CDHR2: variants seen among roughly 807,000 people sequenced by gnomAD.
The protein encoded by CDHR2 is cadherin-related family member 2.
In CDHR2, 104 loss-of-function variants were observed where a neutral mutation model predicts 138.6. The ratio of observed to expected loss-of-function variants is 0.75; its 90% confidence interval spans 0.64 to 0.88. The LOEUF is 0.88. Among genes scored for constraint, CDHR2 ranks in the 40% least tolerant of loss-of-function variants. The probability of loss-of-function intolerance (pLI) is 0.00; values close to 1 mark genes in which losing one functional copy is unlikely to be tolerated. For missense variants in CDHR2, 1,624 were observed against 1,727.6 expected, an observed-to-expected ratio of 0.94 and a Z score of 1.06; for synonymous variants, 755 against 742.8, an observed-to-expected ratio of 1.02 and a Z score of -0.27.
chr5:176,584,612 A>G lies in CDHR2; in HGVS notation c.2331A>G (p.Thr777=), dbSNP rs1561878689. 1.2e-6 allele frequency: 2 copies of G among 1,607,450 alleles called. No individual in the cohort carries two copies. Among genetic ancestry groups the G allele is most frequent in the East Asian group, 2.2e-5 (1 of 44,724 alleles). The change falls in exon 19 of 32, where the codon ACA becomes ACG. Residue 777 remains threonine, a synonymous_variant. Coordinates refer to ENST00000261944, the MANE Select transcript of CDHR2 (RefSeq NM_017675.6). ...DYETQPVFNL[T]VSAENPDPQG... ...AGACACAGCCCGTCTTCAACTTGAC[A>G]GTGAGTGCTGAGAACCCAGACCCCC...
chr5:176,560,969 C>A (rs1757952971), intron 1 of CDHR2, among the ~76,000 whole-genome samples: 1 of 114,672 alleles, frequency 8.7e-6, no homozygotes, highest in African/African-American at 2.7e-5. Context: ...GAACCAGGAT[C>A]TCTGACTGTC....
In CDHR2 at chr5:176,584,264, G is replaced by A. The variant is rs780817286; in HGVS notation, c.2128+5G>A. Reference sequence around the variant, plus strand: ...CGGTGAAGGAGGAGGATCCAGGTATGTGCTCCCTGGGCCAGGAGAGACACT... The same window carrying A: ...CGGTGAAGGAGGAGGATCCAGGTATATGCTCCCTGGGCCAGGAGAGACACT... On this transcript the variant is annotated splice_donor_5th_base_variant and intron_variant, in intron 18 of 31. Transcript: ENST00000261944. 8.1e-6 allele frequency: 13 copies of A among 1,613,366 alleles called. No homozygotes were observed. Among genetic ancestry groups the A allele is most frequent in the South Asian group, 2.2e-5 (2 of 91,066 alleles).
chr5:176,577,437 C>T lies in CDHR2; in HGVS notation c.1233C>T (p.Pro411=), dbSNP rs1157105352. The T allele has an allele frequency of 1.1e-5, 18 of 1,609,990 alleles. No individual in the cohort carries two copies. In the East Asian group the frequency reaches 1.6e-4, roughly 14 times the overall value. The stretch of plus-strand genomic sequence containing the variant: ...CCTTCCTGTTGTCGCTGGGGGGCCC[C>T]GATGCAGAAGCCTTCAGCGTCTCCC... ...NGTFLLSLGG[P]DAEAFSVSPE... is the part of the protein sequence containing the mutation. The change falls in exon 13 of 32, where the codon CCC becomes CCT. Residue 411 remains proline (P), a synonymous_variant. Transcript: ENST00000261944.
rs1313948755 is a variant in CDHR2, at chr5:176,553,962, G to A, written c.-16+4548G>A. Among the ~76,000 whole-genome samples the A allele has an allele frequency of 2.0e-5, 3 of 152,190 alleles. No homozygotes were observed. Among genetic ancestry groups the A allele is most frequent in the Non-Finnish European group, 2.9e-5 (2 of 68,042 alleles). On this transcript the variant is annotated intron_variant, in intron 1 of 31. Transcript: ENST00000261944. The surrounding 1 kb of genome is among the most constrained non-coding windows in gnomAD (Gnocchi z 4.3). ...TCCAGGGTGTAGCTGTACCCACATCGCTGTCCCTGTCTCACTGAGGACTGT... is the reference window on the plus strand; with the variant it reads ...TCCAGGGTGTAGCTGTACCCACATCACTGTCCCTGTCTCACTGAGGACTGT...
At chr5:176,574,609 G>A (rs1261743081) in intron 7 of CDHR2, among the ~76,000 whole-genome samples, 2 of 152,200 alleles carry the variant, frequency 1.3e-5, no homozygotes, top group Non-Finnish European at 2.9e-5. Flanking sequence ...TCCCTGACAT[G>A]CAACGGGGTA....
rs952743303 is a variant in CDHR2, at chr5:176,576,414, C to T, written c.1194+229C>T. ...GAAGGCCATGCTGAGTGGAGGCTGA[C>T]GTAGAACGTCAGATGATGCTGAGTA... On this transcript the variant is annotated intron_variant, in intron 12 of 31. Coordinates refer to ENST00000261944, the MANE Select transcript of CDHR2 (RefSeq NM_017675.6). This position sits in a 1 kb window ranked among gnomAD's most constrained non-coding sequence, Gnocchi z 4.5. Among the ~76,000 whole-genome samples the T allele has an allele frequency of 8.6e-5, 13 of 151,890 alleles. No homozygotes were observed. Among genetic ancestry groups the T allele is most frequent in the African/African-American group, 1.2e-4 (5 of 41,326 alleles).
intron 6 of CDHR2, among the ~76,000 whole-genome samples, chr5:176,571,771 C>T (rs969522041): frequency 2.0e-5 from 3 of 151,986 alleles, no homozygotes; most frequent in African/African-American, 4.8e-5. Flanking sequence ...TTCCTGACCT[C>T]GTGATCCGCA....
chr5:176,580,882 G>A (rs1444383836), intron 16 of CDHR2, among the ~76,000 whole-genome samples: 1 of 151,832 alleles, frequency 6.6e-6, no homozygotes, highest in Admixed American at 6.6e-5. Flanking sequence ...CTGTATGAAA[G>A]AAAAAAGAAA....
chr5:176,555,655 C>T (rs1757803476), intron 1 of CDHR2, among the ~76,000 whole-genome samples: 1 of 152,142 alleles, frequency 6.6e-6, no homozygotes, highest in Non-Finnish European at 1.5e-5. Context: ...GCCTGTAATC[C>T]CAGCACTTTG....
At chr5:176,546,554 G>A (rs908868549), upstream of CDHR2, among the ~76,000 whole-genome samples, 1 of 151,910 alleles carries the variant, frequency 6.6e-6, no homozygotes, top group African/African-American at 2.4e-5. Context: ...GAGAGGTTAT[G>A]CAACTTGCCC....
At chr5:176,544,515 C>T (rs911862162), upstream of CDHR2, among the ~76,000 whole-genome samples, 1 of 149,976 alleles carries the variant, frequency 6.7e-6, no homozygotes, top group Non-Finnish European at 1.5e-5. Context: ...TCTCGGTTCA[C>T]TGCAACCTCC....
At chr5:176,586,146 C>CCTG in intron 20 of CDHR2, 121 bp downstream of exon 20, 2 of 713,382 alleles carry the variant, frequency 2.8e-6, no homozygotes, top group South Asian at 3.3e-5. Context: ...GGCCTCTAAT[C>CCTG]CTGCATCTTC....
intron 19 of CDHR2, 91 bp from the exon 20 acceptor site, chr5:176,585,863 G>A (rs2113319428): frequency 2.0e-6 from 2 of 987,878 alleles, no homozygotes; most frequent in Non-Finnish European, 3.2e-6. Context: ...TGCGGGGCAT[G>A]GGGTTGAGGC....
intron 1 of CDHR2, among the ~76,000 whole-genome samples, chr5:176,552,259 A>G (rs1757722537): frequency 6.6e-6 from 1 of 152,226 alleles, no homozygotes; most frequent in African/African-American, 2.4e-5. Flanking sequence ...CAACTGCCTG[A>G]ACACAGCTCC....
At chr5:176,591,739 A>G (rs1758856109) in intron 30 of CDHR2, 1 of 368,556 alleles carries the variant, frequency 2.7e-6, no homozygotes, top group Non-Finnish European at 5.1e-6. Context: ...GATGGTTGTG[A>G]TGGTGATGGT....
chr5:176,583,222 G>A (rs982412280), intron 17 of CDHR2, among the ~76,000 whole-genome samples: 1 of 152,220 alleles, frequency 6.6e-6, no homozygotes, highest in Non-Finnish European at 1.5e-5. Flanking sequence ...CCATTTTGCA[G>A]ATGAGGACAC....
intron 1 of CDHR2, among the ~76,000 whole-genome samples, chr5:176,565,061 A>C (rs1014552861): frequency 2.0e-5 from 3 of 152,116 alleles, no homozygotes; most frequent in Admixed American, 6.5e-5. Flanking sequence ...TGTGGGAATA[A>C]CACAGCTGCA....
At chr5:176,573,133 G>A (rs984791136) in intron 6 of CDHR2, among the ~76,000 whole-genome samples, 7 of 152,168 alleles carry the variant, frequency 4.6e-5, no homozygotes, top group Admixed American at 1.3e-4. Context: ...GGAACAACAG[G>A]TGCAAAGCCC....
upstream of CDHR2, among the ~76,000 whole-genome samples, chr5:176,545,753 C>T (rs1054625358): frequency 2.5e-4 from 38 of 152,220 alleles, no homozygotes; most frequent in African/African-American, 8.9e-4. Flanking sequence ...CTCTTAGTCC[C>T]ACTCTGCCTG....
Sources: gnomAD v4.1 joint callset for allele counts (sites outside exome capture counted in the v4.1 genomes callset) on GRCh38, gnomAD v4.1.1 for gene constraint, Gnocchi (gnomAD v3.1) non-coding constraint, MANE v1.5 for transcripts, NCBI Gene and HGNC (gene_info 2026-07-23, HGNC 2026-07-21) for gene names.